The following GREB1L variants were observed in gnomAD, a reference collection of about 807,000 sequenced individuals.
GREB1L encodes the protein GREB1 like retinoic acid receptor coactivator, also known as GREB1-like protein.
A neutral mutation model predicts 200.8 loss-of-function variants in GREB1L; 17 were observed. The ratio of observed to expected loss-of-function variants is 0.08; its 90% CI spans 0.06 to 0.13. The LOEUF (loss-of-function observed/expected upper bound fraction) is 0.13. Ranked by LOEUF, GREB1L falls within the 10% of genes least tolerant of loss-of-function variation. The pLI is 1.00. For synonymous variants in GREB1L, 789 were observed against 893.0 expected (o/e 0.88, Z 2.08); for missense variants, 1,657 against 2,367.7 (o/e 0.70, Z 6.23).
intron 7 of GREB1L, among the ~76,000 whole-genome samples, chr18:21,439,218 A>G (rs770967821): frequency 4.1e-4 from 62 of 152,184 alleles, no homozygotes; most frequent in Non-Finnish European, 1.6e-4. Flanking sequence ...CCATGATGCA[A>G]AGTTAAGAAA....
rs1204062981 is a variant in GREB1L at position 21,525,533 on chromosome 18, C to T, written c.*2712C>T. 1 of 152,108 alleles carries T rather than the reference C, an allele frequency of 6.6e-6. No homozygotes were observed. Among genetic ancestry groups the T allele is most frequent in the Admixed American group, 6.5e-5 (1 of 15,274 alleles). The allele number at this position is 152,108 out of a possible 1,614,324, so 9.4% of individuals were successfully genotyped here. A position where few individuals can be genotyped will look rare whatever the true frequency, so the allele number is the denominator to read the frequency against. On this transcript the variant is annotated 3_prime_UTR_variant, in exon 33 of 33. Transcript: ENST00000424526. ...TCAGTCACATTATAGGTTGGACAAC[C>T]AAGATTAAAGAGGTGTTGAAAACAT...
At chr18:21,336,219 T>C (rs2039183503) in intron 1 of GREB1L, among the ~76,000 whole-genome samples, 1 of 152,174 alleles carries the variant, frequency 6.6e-6, no homozygotes, top group African/African-American at 2.4e-5. Flanking sequence ...CTGAGTAGTA[T>C]GGAATGGGAA....
At chr18:21,273,944 A>T (rs1231715700) in intron 1 of GREB1L, among the ~76,000 whole-genome samples, 4 of 152,248 alleles carry the variant, frequency 2.6e-5, no homozygotes, top group Non-Finnish European at 4.4e-5. Flanking sequence ...TTTAGATGAC[A>T]ATGTATAATA....
intron 1 of GREB1L, among the ~76,000 whole-genome samples, chr18:21,318,105 CAAAAA>C (rs61304976): frequency 1.1e-5 from 1 of 89,668 alleles, no homozygotes. Flanking sequence ...GAGATTCCGT[CAAAAA>C]AAAAAAAAAA....
chr18:21,334,385 A>C (rs2039153690), intron 1 of GREB1L, among the ~76,000 whole-genome samples: 1 of 152,220 alleles, frequency 6.6e-6, no homozygotes, highest in Admixed American at 6.5e-5. Flanking sequence ...TGAAGATGAT[A>C]AAACTAAAGT....
intron 1 of GREB1L, among the ~76,000 whole-genome samples, chr18:21,255,753 C>G (rs559115447): frequency 6.9e-4 from 105 of 152,246 alleles, no homozygotes; most frequent in Non-Finnish European, 1.2e-3. Context: ...TTAATATTCT[C>G]TAATTGTCTC....
intron 15 of GREB1L, among the ~76,000 whole-genome samples, chr18:21,464,493 G>A (rs189791070): frequency 1.4e-5 from 2 of 147,026 alleles, no homozygotes; most frequent in East Asian, 2.0e-4. Flanking sequence ...GCAGTGAGCC[G>A]AGATCGCGCC....
chr18:21,354,486 G>A (rs747572707), intron 1 of GREB1L, among the ~76,000 whole-genome samples: 7 of 152,166 alleles, frequency 4.6e-5, no homozygotes, highest in Admixed American at 3.3e-4. Context: ...TACTACAGTA[G>A]GTGCTGTGAT....
At chr18:21,461,239 C>A (rs2035034399) in intron 15 of GREB1L, among the ~76,000 whole-genome samples, 1 of 152,150 alleles carries the variant, frequency 6.6e-6, no homozygotes, top group Admixed American at 6.5e-5. Context: ...CCACACGCCT[C>A]ACCCCAGATA....
chr18:21,279,608 T>C (rs1163346998), intron 1 of GREB1L, among the ~76,000 whole-genome samples: 1 of 152,136 alleles, frequency 6.6e-6, no homozygotes, highest in Non-Finnish European at 1.5e-5. Flanking sequence ...ATTTAGCGGG[T>C]TTAAAATTTT....
chr18:21,342,181 A>G (rs533396647), intron 1 of GREB1L, among the ~76,000 whole-genome samples: 1 of 152,152 alleles, frequency 6.6e-6, no homozygotes, highest in Non-Finnish European at 1.5e-5. Flanking sequence ...TCAGTCCATC[A>G]TCATGGACTG....
At chr18:21,441,870 C>G (rs2033922696) in intron 10 of GREB1L, among the ~76,000 whole-genome samples, 1 of 152,116 alleles carries the variant, frequency 6.6e-6, no homozygotes, top group South Asian at 2.1e-4. Context: ...CCAGGAGCAA[C>G]CAGAACTCAG....
At chr18:21,332,226 C>T (rs968142905) in intron 1 of GREB1L, among the ~76,000 whole-genome samples, 3 of 152,190 alleles carry the variant, frequency 2.0e-5, no homozygotes, top group Non-Finnish European at 4.4e-5. Flanking sequence ...TCCTCAGGGA[C>T]TGTTGAAGCA....
intron 29 of GREB1L, 135 bp from the exon 30 acceptor site, chr18:21,516,478 G>C (rs945981388): frequency 1.2e-6 from 1 of 807,410 alleles, no homozygotes; most frequent in Non-Finnish European, 1.9e-6. Flanking sequence ...TCAGTGTTAC[G>C]AGGGCCAGCT....
At chr18:21,355,504 A>G (rs1442745209) in intron 1 of GREB1L, among the ~76,000 whole-genome samples, 1 of 152,038 alleles carries the variant, frequency 6.6e-6, no homozygotes, top group Non-Finnish European at 1.5e-5. Flanking sequence ...CTTGTTCAAT[A>G]TTTTATTGAT....
At chr18:21,277,321 T>A (rs1177765067) in intron 1 of GREB1L, among the ~76,000 whole-genome samples, 6 of 152,226 alleles carry the variant, frequency 3.9e-5, no homozygotes, top group Admixed American at 6.5e-5. Flanking sequence ...GCAGGTGCCC[T>A]GGCCAGGTTG....
intron 16 of GREB1L, among the ~76,000 whole-genome samples, chr18:21,473,475 A>AGGAGAATTGTTT (rs1216733916): frequency 6.6e-6 from 1 of 151,128 alleles, no homozygotes; most frequent in Non-Finnish European, 1.5e-5. Context: ...AGGCTGAGGC[A>AGGAGAATTGTTT]GGAGAATTGT....
chr18:21,289,644 GT>G (rs564408417), intron 1 of GREB1L, among the ~76,000 whole-genome samples: 78 of 152,178 alleles, frequency 5.1e-4, no homozygotes, highest in African/African-American at 1.8e-3. Flanking sequence ...TAATTATTTT[GT>G]ATATTTTGTG....
intron 1 of GREB1L, among the ~76,000 whole-genome samples, chr18:21,330,238 C>T (rs543728997): frequency 2.9e-4 from 44 of 152,226 alleles, no homozygotes; most frequent in East Asian, 9.7e-4. Context: ...AGCCCTGGCT[C>T]GTGAGGGCTG....
Sources: gnomAD v4.1 joint callset for allele counts (sites outside exome capture counted in the v4.1 genomes callset) on GRCh38, gnomAD v4.1.1 for gene constraint, MANE v1.5 for transcripts, NCBI Gene and HGNC (gene_info 2026-07-23, HGNC 2026-07-21) for gene names.